Variants in KAT7 observed in about 807,000 individuals in gnomAD.
KAT7 encodes the protein histone acetyltransferase KAT7.
KAT7 carries 10 observed loss-of-function variants against 82.1 expected under a neutral mutation model. The ratio of observed to expected loss-of-function variants is 0.12; its 90% confidence interval spans 0.08 to 0.21. The LOEUF is 0.21. KAT7 is among the 10% of genes least tolerant of loss of function. The pLI is 1.00. For missense variants in KAT7, 378 were observed against 760.9 expected (o/e 0.50, Z 5.92); for synonymous variants, 250 against 262.5 (o/e 0.95, Z 0.46).
At chr17:49,822,096 C>G (rs2143974228) in intron 11 of KAT7, among the ~76,000 whole-genome samples, 1 of 152,292 alleles carries the variant, frequency 6.6e-6, no homozygotes. Flanking sequence ...ACCAGTTCTG[C>G]TGGCTTTGCC....
chr17:49,824,148 C>A (rs1374547425), intron 12 of KAT7, among the ~76,000 whole-genome samples: 5 of 152,234 alleles, frequency 3.3e-5, no homozygotes, highest in Non-Finnish European at 7.4e-5. Context: ...TGACCAGAGG[C>A]TTGCAGGAAC....
intron 2 of KAT7, 59 bp from the exon 3 acceptor site, chr17:49,796,691 A>G: frequency 7.4e-7 from 1 of 1,355,990 alleles, no homozygotes; most frequent in South Asian, 1.4e-5. Flanking sequence ...AATTATATGG[A>G]TAGGAAGTAA....
At chr17:49,790,647 A>G (rs1434359853) in intron 1 of KAT7, among the ~76,000 whole-genome samples, 3 of 152,202 alleles carry the variant, frequency 2.0e-5, no homozygotes, top group African/African-American at 7.2e-5. Context: ...AACCTGTCTT[A>G]ATCTGTCCTG....
At position 49,798,458 on chromosome 17, in the gene KAT7, G is replaced by A. The variant is rs1263735184; in HGVS notation, c.480G>A (p.Lys160=). The change falls in exon 4 of 15, where the codon AAG becomes AAA. Residue 160 remains lysine (K), a synonymous_variant. Coordinates refer to ENST00000259021, the MANE Select transcript of KAT7 (RefSeq NM_007067.5). ...GCATTGCCAAGGACATGTCCCTGAA[G>A]GACTCAGGCAGTGATCTCTCTCATC... ...DESIAKDMSL[K]DSGSDLSHRP... is the part of the protein sequence containing the mutation. 3 of 1,614,060 alleles carry A rather than the reference G, an allele frequency of 1.9e-6. No individual in the cohort carries two copies. Among genetic ancestry groups the A allele is most frequent in the Admixed American group, 1.7e-5 (1 of 60,002 alleles).
chr17:49,797,912 C>CGA (rs2073977115), intron 3 of KAT7, among the ~76,000 whole-genome samples: 1 of 152,196 alleles, frequency 6.6e-6, no homozygotes, highest in Non-Finnish European at 1.5e-5. Context: ...ACTCAAGACT[C>CGA]TAAGTCCATT....
rs962421985 is a variant in KAT7, at chr17:49,831,395, G to A, written c.*3893G>A. 4 of 152,172 alleles carry A rather than the reference G, an allele frequency of 2.6e-5. No homozygotes were observed. Among genetic ancestry groups the A allele is most frequent in the African/African-American group, 9.7e-5 (4 of 41,446 alleles). The allele number at this position is 152,172 out of a possible 1,614,324, so 9.4% of individuals were successfully genotyped here. A position where few individuals can be genotyped will look rare whatever the true frequency, so the allele number is the denominator to read the frequency against. Reference sequence around the variant, plus strand: ...TCATTCTGGCATTGTTTCTGATTTAGGAATAAACTGTTCAGTAAGCACTGT... The same window carrying A: ...TCATTCTGGCATTGTTTCTGATTTAAGAATAAACTGTTCAGTAAGCACTGT... On this transcript the variant is annotated 3_prime_UTR_variant, in exon 15 of 15. Transcript: ENST00000259021.
Position 49,796,939 on chromosome 17 carries a change from G to A in KAT7, c.340+13G>A, listed in dbSNP as rs780469886. 6.2e-7 allele frequency: 1 copy of A among 1,612,788 alleles called. No homozygotes were observed. Among genetic ancestry groups the A allele is most frequent in the Non-Finnish European group, 8.5e-7 (1 of 1,179,022 alleles). On this transcript the variant is annotated intron_variant, in intron 3 of 14. Coordinates refer to ENST00000259021, the MANE Select transcript of KAT7 (RefSeq NM_007067.5). Reference sequence around the variant, plus strand: ...TTTTCAGATAGAGGTGAGTGGGTATGGTATGACTTAGACCTATTACAGAGC... The same window carrying A: ...TTTTCAGATAGAGGTGAGTGGGTATAGTATGACTTAGACCTATTACAGAGC...
At chr17:49,802,152 C>A (rs529932362) in intron 4 of KAT7, among the ~76,000 whole-genome samples, 1 of 152,210 alleles carries the variant, frequency 6.6e-6, no homozygotes, top group East Asian at 1.9e-4. Flanking sequence ...TAAATTGTCT[C>A]ATTGACATTT....
chr17:49,824,989 C>T (rs764271043), intron 12 of KAT7, among the ~76,000 whole-genome samples: 1 of 151,062 alleles, frequency 6.6e-6, no homozygotes, highest in Admixed American at 6.6e-5. Context: ...TGATTTTGTT[C>T]TTTTTTTTAT....
chr17:49,823,414 G>A, intron 12 of KAT7, 119 bp downstream of exon 12: 1 of 645,958 alleles, frequency 1.5e-6, no homozygotes, highest in South Asian at 1.8e-5. Flanking sequence ...TGGATATTTA[G>A]TAAATGAATG....
chr17:49,823,426 A>T (rs1364673452), intron 12 of KAT7, 131 bp downstream of exon 12: 1 of 623,922 alleles, frequency 1.6e-6, no homozygotes, highest in Admixed American at 2.8e-5. Flanking sequence ...AAATGAATGA[A>T]CAAGTAGGAA....
Position 49,827,514 on chromosome 17 carries a change from A to G in KAT7, c.*12A>G. 4 of 1,521,220 alleles carry G rather than the reference A, an allele frequency of 2.6e-6. No individual in the cohort carries two copies. The highest frequency in any genetic ancestry group is 3.7e-6 in the Non-Finnish European group (4 of 1,095,758). 94.2% of individuals were successfully genotyped at this position (1,521,220 alleles called of 1,614,324 possible). ...CCAAGGGCACTTAAAGTGACCTGTC[A>G]TTCCGAGCCAGCGAACCCCAGCAGT... On this transcript the variant is annotated 3_prime_UTR_variant, in exon 15 of 15. Coordinates refer to ENST00000259021, the MANE Select transcript of KAT7 (RefSeq NM_007067.5).
At chr17:49,817,500 T>A (rs1191240664) in intron 8 of KAT7, among the ~76,000 whole-genome samples, 1 of 152,144 alleles carries the variant, frequency 6.6e-6, no homozygotes, top group Non-Finnish European at 1.5e-5. Flanking sequence ...TAAAAAGGAG[T>A]TTCGCTCTGT....
chr17:49,798,436 T>C lies in KAT7; in HGVS notation c.458T>C (p.Ile153Thr), dbSNP rs946001883. The change falls in exon 4 of 15, where the codon ATT becomes ACT. Residue 153 changes from isoleucine to threonine, a missense_variant. Coordinates refer to ENST00000259021, the MANE Select transcript of KAT7 (RefSeq NM_007067.5). Reference sequence around the variant, plus strand: ...CCCAATGTATCTCACGATGAGAGCATTGCCAAGGACATGTCCCTGAAGGAC... The same window carrying C: ...CCCAATGTATCTCACGATGAGAGCACTGCCAAGGACATGTCCCTGAAGGAC... ...SSPNVSHDESIAKDMSLKDSG... is the reference protein window; with the variant it reads ...SSPNVSHDESTAKDMSLKDSG... 3 of 1,614,104 alleles carry C rather than the reference T, an allele frequency of 1.9e-6. No homozygotes were observed. The highest frequency in any genetic ancestry group is 2.7e-5 in the African/African-American group (2 of 74,926).
chr17:49,795,135 GA>G (rs1265165911), intron 2 of KAT7, among the ~76,000 whole-genome samples: 1 of 151,912 alleles, frequency 6.6e-6, no homozygotes, highest in African/African-American at 2.4e-5. Flanking sequence ...ATATACTTTA[GA>G]GAGGATTTTG....
chr17:49,795,005 C>T (rs554206859), intron 2 of KAT7, among the ~76,000 whole-genome samples: 1 of 151,304 alleles, frequency 6.6e-6, no homozygotes, highest in Non-Finnish European at 1.5e-5. Context: ...AAGATTTCTT[C>T]AGATTTTTTT....
At chr17:49,794,937 C>G (rs746042563) in intron 2 of KAT7, among the ~76,000 whole-genome samples, 68 of 152,100 alleles carry the variant, frequency 4.5e-4, no homozygotes, top group Non-Finnish European at 8.1e-4. Flanking sequence ...TTGCTCTGTG[C>G]TAACTTTTCT....
chr17:49,832,675 A>G lies in KAT7; in HGVS notation c.*5173A>G, dbSNP rs370010793. On this transcript the variant is annotated 3_prime_UTR_variant, in exon 15 of 15. Coordinates refer to ENST00000259021, the MANE Select transcript of KAT7 (RefSeq NM_007067.5). Reference sequence around the variant, plus strand: ...ATAACCAATCCCATCAAGTGAAAAGAATGGCAGCAGGGAGAAGGCCTGGCT... The same window carrying G: ...ATAACCAATCCCATCAAGTGAAAAGGATGGCAGCAGGGAGAAGGCCTGGCT... 16 of 152,344 alleles carry G rather than the reference A, an allele frequency of 1.1e-4. No individual in the cohort carries two copies. The highest frequency in any genetic ancestry group is 2.1e-4 in the South Asian group (1 of 4,818). 9.4% of individuals were successfully genotyped at this position (152,344 alleles called of 1,614,324 possible).
intron 1 of KAT7, 79 bp from the exon 2 acceptor site, chr17:49,791,807 G>T: frequency 2.1e-6 from 3 of 1,440,340 alleles, no homozygotes; most frequent in Non-Finnish European, 2.9e-6. Flanking sequence ...CAGTGTCACA[G>T]CTTGTTTTAT....
Sources: gnomAD v4.1 joint callset for allele counts (sites outside exome capture counted in the v4.1 genomes callset) on GRCh38, gnomAD v4.1.1 for gene constraint, MANE v1.5 for transcripts, NCBI Gene and HGNC (gene_info 2026-07-23, HGNC 2026-07-21) for gene names.